Variants in TEX36 observed in about 807,000 individuals in gnomAD.
The protein encoded by TEX36 is testis expressed 36.
TEX36 carries 12 observed loss-of-function variants against 13.6 expected under a neutral mutation model. The ratio of observed to expected loss-of-function variants is 0.88; its 90% CI spans 0.56 to 1.43. The LOEUF is 1.43. TEX36 is among the 40% of genes most tolerant of loss of function. The pLI is 0.00. For missense variants in TEX36, 224 were observed against 228.3 expected (o/e 0.98, Z 0.12); for synonymous variants, 93 against 83.0 (o/e 1.12, Z -0.65).
At chr10:125,650,519 G>GCACT (rs1846835843) in intron 3 of TEX36, among the ~76,000 whole-genome samples, 2 of 152,246 alleles carry the variant, frequency 1.3e-5, no homozygotes, top group South Asian at 2.1e-4. Context: ...GAAATTTATA[G>GCACT]CACTAAATGC....
intron 1 of TEX36, chr10:125,667,034 AG>A: frequency 6.8e-7 from 1 of 1,476,718 alleles, no homozygotes; most frequent in Non-Finnish European, 9.2e-7. Context: ...CCAGGCCTTC[AG>A]GGCAGAGGCC....
chr10:125,593,194 C>A (rs1374385773), intron 3 of TEX36, among the ~76,000 whole-genome samples: 1 of 152,260 alleles, frequency 6.6e-6, no homozygotes, highest in Admixed American at 6.5e-5. Flanking sequence ...AGGGCCCCAG[C>A]CACCAGTCAT....
At chr10:125,614,135 T>G (rs1263782637) in intron 3 of TEX36, among the ~76,000 whole-genome samples, 1 of 152,234 alleles carries the variant, frequency 6.6e-6, no homozygotes, top group Non-Finnish European at 1.5e-5. Context: ...GTTGTTTGTT[T>G]TTTTCTTGTA....
chr10:125,679,285 G>A (rs1457346550), intron 1 of TEX36, among the ~76,000 whole-genome samples: 1 of 152,124 alleles, frequency 6.6e-6, no homozygotes, highest in African/African-American at 2.4e-5. Context: ...CCTCAACTGT[G>A]GAAGTGCTCT....
At chr10:125,640,078 A>T in intron 3 of TEX36, 1 of 788,590 alleles carries the variant, frequency 1.3e-6, no homozygotes, top group Non-Finnish European at 1.5e-6. Flanking sequence ...GTCAGTAGCT[A>T]TATGGAACGT....
rs879100724 is a variant in TEX36 at position 125,576,670 on chromosome 10, T to G, written c.*79A>C. The G allele has an allele frequency of 6.7e-6, 10 of 1,499,878 alleles. No individual in the cohort carries two copies. In the South Asian group the frequency reaches 1.2e-4, roughly 18 times the overall value. The allele number at this position is 1,499,878 out of a possible 1,614,324, so 92.9% of individuals were successfully genotyped here. On this transcript the variant is annotated 3_prime_UTR_variant, in exon 4 of 4. Coordinates refer to the TEX36 transcript ENST00000532135. ...TAACTAGCTAGGCTAAGACAAAAGGTCCTTTTCTTCCCAACTAATACACAT... is the reference window on the plus strand; with the variant it reads ...TAACTAGCTAGGCTAAGACAAAAGGGCCTTTTCTTCCCAACTAATACACAT...
chr10:125,623,707 A>G lies in TEX36; in HGVS notation c.265-2062T>C, dbSNP rs964201658. Among the ~76,000 whole-genome samples, 14 of 152,174 alleles carry G rather than the reference A, an allele frequency of 9.2e-5. 1 individual carries two copies. The highest frequency in any genetic ancestry group is 3.4e-4 in the African/African-American group (14 of 41,434). The stretch of plus-strand genomic sequence containing the variant: ...TCTGAAGAGACTCTGTAAGTGTGAG[A>G]AAGGCACTTTATTCGAAGGCATTCT... On this transcript the variant is annotated intron_variant, in intron 3 of 3. Coordinates refer to the TEX36 transcript ENST00000526819.
intron 3 of TEX36, among the ~76,000 whole-genome samples, chr10:125,648,347 T>A (rs1397440243): frequency 9.2e-5 from 14 of 152,224 alleles, no homozygotes; most frequent in Admixed American, 4.6e-4. Context: ...CGTTCTGCAA[T>A]ATTTGCTGTT....
chr10:125,622,518 T>A (rs1216248473), intron 3 of TEX36, among the ~76,000 whole-genome samples: 2 of 152,252 alleles, frequency 1.3e-5, no homozygotes, highest in Admixed American at 6.5e-5. Context: ...GTACCTTGGC[T>A]GATCATGATT....
intron 3 of TEX36, among the ~76,000 whole-genome samples, chr10:125,657,798 C>G (rs1443457203): frequency 6.6e-6 from 1 of 152,126 alleles, no homozygotes; most frequent in Admixed American, 6.5e-5. Context: ...CACAGCAGCC[C>G]TGGAACAGGA....
At chr10:125,607,724 T>C (rs1439651700) in intron 3 of TEX36, among the ~76,000 whole-genome samples, 1 of 151,806 alleles carries the variant, frequency 6.6e-6, no homozygotes, top group East Asian at 1.9e-4. Flanking sequence ...CACCTTTGCA[T>C]CCCTAGCATC....
chr10:125,661,394 C>G (rs2133595861), intron 2 of TEX36, among the ~76,000 whole-genome samples: 1 of 152,244 alleles, frequency 6.6e-6, no homozygotes, highest in Middle Eastern at 3.4e-3. Context: ...CTCATGGAGC[C>G]AAAAACTGGG....
chr10:125,576,593 C>T (rs1325055917), exon 4 of TEX36: 4 of 1,075,370 alleles, frequency 3.7e-6, no homozygotes, highest in Non-Finnish European at 3.9e-6. Flanking sequence ...AGGATTTCTC[C>T]ATAGCTGGAA....
At chr10:125,678,745 G>T (rs2133615008) in intron 1 of TEX36, among the ~76,000 whole-genome samples, 1 of 152,276 alleles carries the variant, frequency 6.6e-6, no homozygotes, top group Non-Finnish European at 1.5e-5. Flanking sequence ...GTGGCCAGGA[G>T]TTTAGGCCCA....
At chr10:125,662,052 G>A (rs780776521) in intron 1 of TEX36, 75 bp from the exon 2 acceptor site, 1 of 1,513,820 alleles carries the variant, frequency 6.6e-7, no homozygotes, top group Non-Finnish European at 8.9e-7. Flanking sequence ...GGCTTCCTTT[G>A]TACAGTGATT....
At chr10:125,602,445 G>C (rs966699612) in intron 3 of TEX36, among the ~76,000 whole-genome samples, 2 of 152,112 alleles carry the variant, frequency 1.3e-5, no homozygotes, top group Admixed American at 6.6e-5. Flanking sequence ...GCCCCACTGG[G>C]CACCTTCCGC....
chr10:125,601,997 C>G (rs1846154215), intron 3 of TEX36, among the ~76,000 whole-genome samples: 1 of 152,190 alleles, frequency 6.6e-6, no homozygotes, highest in African/African-American at 2.4e-5. Context: ...CCCCATACCC[C>G]CAGCAGGGAG....
chr10:125,682,086 G>A (rs1482487369), intron 1 of TEX36, among the ~76,000 whole-genome samples: 1 of 152,186 alleles, frequency 6.6e-6, no homozygotes, highest in Non-Finnish European at 1.5e-5. Flanking sequence ...TTCTCATTGC[G>A]AGTCTACTGC....
At chr10:125,591,738 A>G (rs1368531) in intron 3 of TEX36, among the ~76,000 whole-genome samples, 66,582 of 152,068 alleles carry the variant, frequency 0.44, 14,792 homozygotes, top group East Asian at 0.62. Context: ...ACATTAAAGG[A>G]AAATATCCCT....
Sources: gnomAD v4.1 joint callset for allele counts (sites outside exome capture counted in the v4.1 genomes callset) on GRCh38, gnomAD v4.1.1 for gene constraint, MANE v1.5 for transcripts, NCBI Gene and HGNC (gene_info 2026-07-23, HGNC 2026-07-21) for gene names.